Variants in CCDC178 observed in about 807,000 individuals in gnomAD.
CCDC178 encodes the protein coiled-coil domain-containing protein 178.
In CCDC178, 126 loss-of-function variants were observed where a neutral mutation model predicts 117.4. That is an observed-to-expected ratio of 1.07 (90% CI 0.93 to 1.24). CCDC178 has a LOEUF of 1.24. CCDC178 is among the 50% of genes most tolerant of loss of function. The pLI, the probability that CCDC178 is intolerant of heterozygous loss-of-function variation, is 0.00. For missense variants in CCDC178, 1,030 were observed against 986.9 expected, an observed-to-expected ratio of 1.04 and a Z score of -0.59; for synonymous variants, 283 against 313.4, an observed-to-expected ratio of 0.90 and a Z score of 1.02.
At position 33,139,023 on chromosome 18, in the gene CCDC178, GGAGGTAATT is replaced by G. The variant is rs560653432; in HGVS notation, c.2239-46122_2239-46114del. On this transcript the variant is annotated intron_variant, in intron 20 of 22. Coordinates refer to ENST00000383096, the MANE Select transcript of CCDC178 (RefSeq NM_001105528.4). Reference sequence around the variant, plus strand: ...CACGTGTCATAACAGGAACTCAGTGGGAGGTAATTGAATTATGGAGACAGGTCTTTCCTG... The same window carrying G: ...CACGTGTCATAACAGGAACTCAGTGGGAATTATGGAGACAGGTCTTTCCTG... Among the ~76,000 whole-genome samples the G allele has an allele frequency of 1.1e-3, 163 of 152,344 alleles. 1 individual carries two copies. Among genetic ancestry groups the G allele is most frequent in the Non-Finnish European group, 2.0e-3 (139 of 68,040 alleles).
At chr18:33,357,968 A>G (rs2063078951) in intron 6 of CCDC178, among the ~76,000 whole-genome samples, 1 of 151,714 alleles carries the variant, frequency 6.6e-6, no homozygotes, top group African/African-American at 2.4e-5. Context: ...ACATCATAAG[A>G]GTATATTTAT....
intron 21 of CCDC178, among the ~76,000 whole-genome samples, chr18:33,073,539 CTATCTATCTATCTATA>C (rs913519046): frequency 1.1e-4 from 17 of 149,268 alleles, no homozygotes; most frequent in African/African-American, 2.8e-4. Flanking sequence ...ATCTATCTAT[CTATCTATCTATCTATA>C]TATATATCTT....
intron 11 of CCDC178, among the ~76,000 whole-genome samples, chr18:33,303,087 T>C (rs2062199501): frequency 6.6e-6 from 1 of 152,210 alleles, no homozygotes. Context: ...TTACTGTATA[T>C]ATTATGTGTA....
chr18:33,024,127 T>C (rs2056177593), intron 21 of CCDC178, among the ~76,000 whole-genome samples: 1 of 152,196 alleles, frequency 6.6e-6, no homozygotes, highest in Non-Finnish European at 1.5e-5. Context: ...AAGACTTAAT[T>C]TCCCAACACA....
chr18:33,423,049 C>T (rs551815773), intron 2 of CCDC178, among the ~76,000 whole-genome samples: 1 of 152,224 alleles, frequency 6.6e-6, no homozygotes, highest in African/African-American at 2.4e-5. Flanking sequence ...TCATTCTGGT[C>T]AGAAAATCTC....
rs531061621 is a variant in CCDC178, at chr18:33,114,363, C to T, written c.2239-21453G>A. ...TAGCCCAAATCACCATACAGAAGTC[C>T]GAGAGAATGGGGGGTGGGGAACTTG... On this transcript the variant is annotated intron_variant, in intron 20 of 22. Coordinates refer to ENST00000383096, the MANE Select transcript of CCDC178 (RefSeq NM_001105528.4). Among the ~76,000 whole-genome samples, 8 of 151,876 alleles carry T rather than the reference C, an allele frequency of 5.3e-5. No individual in the cohort carries two copies. The East Asian group carries it at 7.8e-4, about 15-fold the overall frequency.
At chr18:33,045,834 A>T (rs1397384382) in intron 21 of CCDC178, among the ~76,000 whole-genome samples, 4 of 152,198 alleles carry the variant, frequency 2.6e-5, no homozygotes, top group African/African-American at 7.2e-5. Flanking sequence ...TGGGAGGCCA[A>T]GGCGGGCAGA....
intron 3 of CCDC178, among the ~76,000 whole-genome samples, chr18:33,411,331 C>G (rs2144896130): frequency 6.6e-6 from 1 of 152,250 alleles, no homozygotes; most frequent in East Asian, 1.9e-4. Context: ...CAAATGCAGT[C>G]TCTGTTGCAT....
At chr18:33,367,498 C>T (rs988777478) in intron 6 of CCDC178, among the ~76,000 whole-genome samples, 1 of 151,794 alleles carries the variant, frequency 6.6e-6, no homozygotes, top group Admixed American at 6.6e-5. Flanking sequence ...ATTTAAGTTC[C>T]TATGTCAATG....
intron 21 of CCDC178, among the ~76,000 whole-genome samples, chr18:33,071,726 T>A (rs1232153195): frequency 6.6e-6 from 1 of 152,176 alleles, no homozygotes; most frequent in Admixed American, 6.5e-5. Flanking sequence ...CGTGCTTGAA[T>A]GTTCAACCAA....
chr18:33,012,484 TTAAA>T (rs2055890852), intron 21 of CCDC178, among the ~76,000 whole-genome samples: 1 of 152,156 alleles, frequency 6.6e-6, no homozygotes, highest in Admixed American at 6.5e-5. Flanking sequence ...CAACTTTACC[TTAAA>T]TAAAAAGTTC....
intron 15 of CCDC178, among the ~76,000 whole-genome samples, chr18:33,234,287 C>T (rs944750468): frequency 6.6e-6 from 1 of 152,050 alleles, no homozygotes; most frequent in Admixed American, 6.6e-5. Flanking sequence ...TTTTTCCCGG[C>T]AACCATTTCC....
At chr18:33,299,691 C>T (rs965769724) in intron 11 of CCDC178, among the ~76,000 whole-genome samples, 3 of 147,358 alleles carry the variant, frequency 2.0e-5, no homozygotes, top group African/African-American at 7.5e-5. Context: ...ACAATGTACA[C>T]AATGGGAGAA....
chr18:33,244,663 TTAC>T (rs1210826300), intron 15 of CCDC178, among the ~76,000 whole-genome samples: 1 of 151,932 alleles, frequency 6.6e-6, no homozygotes, highest in Non-Finnish European at 1.5e-5. Flanking sequence ...TCTTTATAAA[TTAC>T]TAAGTCTCAG....
intron 20 of CCDC178, among the ~76,000 whole-genome samples, chr18:33,170,391 A>T (rs2058584337): frequency 6.6e-6 from 1 of 152,170 alleles, no homozygotes; most frequent in Admixed American, 6.5e-5. Flanking sequence ...AGAACTTATT[A>T]AAACTAAATA....
intron 20 of CCDC178, among the ~76,000 whole-genome samples, chr18:33,187,716 A>T (rs1461337716): frequency 6.6e-6 from 1 of 152,154 alleles, no homozygotes; most frequent in Non-Finnish European, 1.5e-5. Flanking sequence ...GATTGCACTA[A>T]TGAGAGGTTC....
At position 33,319,271 on chromosome 18, in the gene CCDC178, G is replaced by T. The variant is rs138590426; in HGVS notation, c.1022+4220C>A. Among the ~76,000 whole-genome samples the T allele has an allele frequency of 3.1e-3, 473 of 151,712 alleles. 1 individual carries two copies. Among genetic ancestry groups the T allele is most frequent in the African/African-American group, 0.011 (447 of 41,348 alleles). The stretch of plus-strand genomic sequence containing the variant: ...GTGTTCTCGGTGTTCAATTCCCACC[G>T]ATGAGTGAGAACATGCGGTGTTTGT... On this transcript the variant is annotated intron_variant, in intron 11 of 22. Transcript: ENST00000383096.
At chr18:33,003,824 A>G (rs2055694057) in intron 21 of CCDC178, among the ~76,000 whole-genome samples, 1 of 152,172 alleles carries the variant, frequency 6.6e-6, no homozygotes, top group South Asian at 2.1e-4. Context: ...GAACAAACTC[A>G]GCAAAGTTGC....
intron 10 of CCDC178, among the ~76,000 whole-genome samples, chr18:33,331,807 A>C (rs1436255848): frequency 6.6e-6 from 1 of 152,174 alleles, no homozygotes; most frequent in Non-Finnish European, 1.5e-5. Context: ...AAATAACTTG[A>C]TGTTATCTAA....
Sources: gnomAD v4.1 joint callset for allele counts (sites outside exome capture counted in the v4.1 genomes callset) on GRCh38, gnomAD v4.1.1 for gene constraint, MANE v1.5 for transcripts, NCBI Gene and HGNC (gene_info 2026-07-23, HGNC 2026-07-21) for gene names.